The following SHC2 variants were observed in gnomAD, a reference collection of about 807,000 sequenced individuals.
The protein encoded by SHC2 is SHC-transforming protein 2.
SHC2 carries 62 observed loss-of-function variants against 60.6 expected under a neutral mutation model. The ratio of observed to expected loss-of-function variants is 1.02; its 90% confidence interval spans 0.83 to 1.26. The LOEUF (loss-of-function observed/expected upper bound fraction) is 1.26. Ranked by LOEUF, SHC2 falls within the 50% of genes most tolerant of loss-of-function variation. The pLI, the probability that SHC2 is intolerant of heterozygous loss-of-function variation, is 0.00. For missense variants in SHC2, 873 were observed against 822.2 expected, an observed-to-expected ratio of 1.06 and a Z score of -0.76; for synonymous variants, 375 against 372.4, an observed-to-expected ratio of 1.01 and a Z score of -0.08.
In SHC2 at chr19:424,953, G is replaced by T; in HGVS notation, c.1309+144C>A. The T allele has an allele frequency of 2.2e-6, 2 of 909,856 alleles. No homozygotes were observed. Among genetic ancestry groups the T allele is most frequent in the Non-Finnish European group, 3.0e-6 (2 of 658,638 alleles). 56.4% of individuals were successfully genotyped at this position (909,856 alleles called of 1,614,324 possible). The stretch of plus-strand genomic sequence containing the variant: ...CAGACTGGGCTTCCCCGTCCCACCC[G>T]TCGACTTGAAGGATCTCACGGGGAG... On this transcript the variant is annotated intron_variant, in intron 10 of 12. Coordinates refer to ENST00000264554, the MANE Select transcript of SHC2 (RefSeq NM_012435.3). This position sits in a 1 kb window ranked among gnomAD's most constrained non-coding sequence, Gnocchi z 4.5.
rs771053592 is a variant in SHC2, at chr19:440,974, G to A, written c.469-42C>T. The A allele has an allele frequency of 4.4e-5, 69 of 1,578,634 alleles. No individual in the cohort carries two copies. The East Asian group carries it at 7.8e-4, about 18-fold the overall frequency. ...GGTGTCAGATGCCATCGGAACCCCC[G>A]CAGTGGAGCCACGTCCCTTTTCCCA... On this transcript the variant is annotated intron_variant, in intron 1 of 12. Transcript: ENST00000264554. This position sits in a 1 kb window ranked among gnomAD's most constrained non-coding sequence, Gnocchi z 7.0.
intron 1 of SHC2, among the ~76,000 whole-genome samples, chr19:451,499 G>A (rs1476678983): frequency 6.6e-6 from 1 of 152,272 alleles, no homozygotes; most frequent in Non-Finnish European, 1.5e-5. Context: ...GGCCGTGAGT[G>A]TACAAACATC....
intron 8 of SHC2, among the ~76,000 whole-genome samples, chr19:431,065 G>T (rs1974574892): frequency 6.6e-6 from 1 of 152,034 alleles, no homozygotes; most frequent in African/African-American, 2.4e-5. Flanking sequence ...ACCAGTCAGG[G>T]CTCTACCCAA....
intron 2 of SHC2, chr19:439,277 GCCCACTCCACGTGCGTC>G: frequency 1.7e-6 from 1 of 572,926 alleles, no homozygotes; most frequent in South Asian, 2.1e-5. Flanking sequence ...TTGGGCACCA[GCCCACTCCACGTGCGTC>G]CTTGCATCCG....
intron 10 of SHC2, among the ~76,000 whole-genome samples, chr19:423,928 C>G (rs1344205071): frequency 6.6e-6 from 1 of 152,204 alleles, no homozygotes; most frequent in Admixed American, 6.5e-5. Flanking sequence ...CCTTTCCCAT[C>G]TGAGGGCTGC....
At chr19:458,498 G>T (rs534044957) in intron 1 of SHC2, among the ~76,000 whole-genome samples, 1,976 of 141,410 alleles carry the variant, frequency 0.014, 148 homozygotes, top group African/African-American at 0.049. Context: ...CGGGGAAGCA[G>T]GTTCCGGGGA....
In SHC2 at chr19:425,303, T is replaced by C. The variant is rs1974387501; in HGVS notation, c.1175-72A>G. 8.2e-6 allele frequency: 10 copies of C among 1,225,782 alleles called. No homozygotes were observed. The highest frequency in any genetic ancestry group is 9.3e-6 in the Non-Finnish European group (9 of 963,846). 75.9% of individuals were successfully genotyped at this position (1,225,782 alleles called of 1,614,324 possible). ...GGGGCTCGCAGGGAGCAAGGCGGGG[T>C]CCCACGAGGAGCTCCCCCGGCCACC... On this transcript the variant is annotated intron_variant, in intron 9 of 12. Coordinates refer to ENST00000264554, the MANE Select transcript of SHC2 (RefSeq NM_012435.3). This position sits in a 1 kb window ranked among gnomAD's most constrained non-coding sequence, Gnocchi z 4.1.
intron 1 of SHC2, among the ~76,000 whole-genome samples, chr19:450,895 A>G (rs1250929617): frequency 7.0e-6 from 1 of 142,416 alleles, no homozygotes; most frequent in African/African-American, 2.7e-5. Flanking sequence ...GCCACATCAT[A>G]TTTCAGCGTG....
rs1974364262 is a variant in SHC2 at position 424,679 on chromosome 19, C to T, written c.1309+418G>A. Among the ~76,000 whole-genome samples, 2 of 152,262 alleles carry T rather than the reference C, an allele frequency of 1.3e-5. No homozygotes were observed. The highest frequency in any genetic ancestry group is 4.2e-4 in the South Asian group (2 of 4,816). ...CCTCCTCCCTTCAGACCGGGGGTTC[C>T]GACAGAGGCAGGTGGGTTACCCCCG... On this transcript the variant is annotated intron_variant, in intron 10 of 12. Transcript: ENST00000264554. The surrounding 1 kb of genome is among the most constrained non-coding windows in gnomAD (Gnocchi z 4.5).
Position 438,870 on chromosome 19 carries a change from TGTGGGTGGGG to T in SHC2, c.601-43_601-34del. On this transcript the variant is annotated intron_variant, in intron 3 of 12. Transcript: ENST00000264554. The surrounding 1 kb of genome is among the most constrained non-coding windows in gnomAD (Gnocchi z 5.0). ...GGGGGCGGAGCACAGCGAGGGCGGC[TGTGGGTGGGG>T]GCTGTCGAGGGGCTCCCAGGATGGC... 1.9e-6 allele frequency: 3 copies of T among 1,556,206 alleles called. No individual in the cohort carries two copies. The highest frequency in any genetic ancestry group is 2.6e-6 in the Non-Finnish European group (3 of 1,150,472).
intron 1 of SHC2, among the ~76,000 whole-genome samples, chr19:455,574 G>T (rs577115697): frequency 6.6e-5 from 10 of 152,366 alleles, no homozygotes; most frequent in Admixed American, 3.9e-4. Flanking sequence ...GATTCTGGGG[G>T]GTTCTGCGAT....
chr19:442,551 ATGGG>A (rs1974907330), intron 1 of SHC2, among the ~76,000 whole-genome samples: 1 of 12,786 alleles, frequency 7.8e-5, no homozygotes, highest in Non-Finnish European at 1.5e-4. Context: ...GGGTGGGTGG[ATGGG>A]TGGGTGGGTG....
At chr19:428,876 C>A (rs889802699) in intron 9 of SHC2, among the ~76,000 whole-genome samples, 6 of 141,000 alleles carry the variant, frequency 4.3e-5, no homozygotes, top group South Asian at 2.4e-4. Context: ...ACAGAAACCT[C>A]ATACCGTGTG....
Position 424,013 on chromosome 19 carries a change from T to A in SHC2, c.1309+1084A>T, listed in dbSNP as rs768065216. Among the ~76,000 whole-genome samples the A allele has an allele frequency of 1.3e-5, 2 of 152,028 alleles. No homozygotes were observed. Among genetic ancestry groups the A allele is most frequent in the Non-Finnish European group, 2.9e-5 (2 of 68,004 alleles). The stretch of plus-strand genomic sequence containing the variant: ...CAGGCGCCCACTAGGTGCTAGATGG[T>A]GTCATTATTGTGAAGCTGAGGAGAA... On this transcript the variant is annotated intron_variant, in intron 10 of 12. Coordinates refer to ENST00000264554, the MANE Select transcript of SHC2 (RefSeq NM_012435.3). This position sits in a 1 kb window ranked among gnomAD's most constrained non-coding sequence, Gnocchi z 4.5.
intron 11 of SHC2, among the ~76,000 whole-genome samples, chr19:420,080 T>C (rs1568279672): frequency 6.6e-6 from 1 of 152,224 alleles, no homozygotes; most frequent in Non-Finnish European, 1.5e-5. Context: ...AACAAGGTAC[T>C]GGTAGACGTT....
rs555968204 is a variant in SHC2 at position 456,103 on chromosome 19, C to T, written c.468+4426G>A. The stretch of plus-strand genomic sequence containing the variant: ...TCACTGCGTAACCTCAGACACAGCT[C>T]GGCCTCTCTGTGCCTCAGTTTCCCT... On this transcript the variant is annotated intron_variant, in intron 1 of 12. Coordinates refer to ENST00000264554, the MANE Select transcript of SHC2 (RefSeq NM_012435.3). 1.1e-4 allele frequency among the ~76,000 whole-genome samples: 17 copies of T among 152,330 alleles called. No homozygotes were observed. The South Asian group carries it at 3.3e-3, about 30-fold the overall frequency.
At chr19:448,684 G>A (rs1395609250) in intron 1 of SHC2, among the ~76,000 whole-genome samples, 1 of 152,168 alleles carries the variant, frequency 6.6e-6, no homozygotes, top group Non-Finnish European at 1.5e-5. Context: ...GAAGGGCTGG[G>A]AAAACACAGC....
At chr19:442,755 ATGAG>A (rs1974921145) in intron 1 of SHC2, among the ~76,000 whole-genome samples, 1 of 64,784 alleles carries the variant, frequency 1.5e-5, no homozygotes. Flanking sequence ...GGGTGGGTGG[ATGAG>A]TGGATGGGTG....
chr19:460,492 C>A (rs1348959066), intron 1 of SHC2, 37 bp downstream of exon 1: 1 of 976,134 alleles, frequency 1.0e-6, no homozygotes, highest in Non-Finnish European at 1.2e-6. Flanking sequence ...GGGAGGCCGC[C>A]GCGAACGGGC....
Sources: gnomAD v4.1 joint callset for allele counts (sites outside exome capture counted in the v4.1 genomes callset) on GRCh38, gnomAD v4.1.1 for gene constraint, Gnocchi (gnomAD v3.1) non-coding constraint, MANE v1.5 for transcripts, NCBI Gene and HGNC (gene_info 2026-07-23, HGNC 2026-07-21) for gene names.